Variants in CHLSN observed in about 807,000 individuals in gnomAD.
The protein encoded by CHLSN is protein cholesin.
the CHLSN span, among the ~76,000 whole-genome samples, chr7:1,024,202 T>C: frequency 3.3e-5 from 5 of 152,156 alleles, no homozygotes; most frequent in African/African-American, 1.2e-4. Context: ...GCCCCCACTT[T>C]CTTCCTAAAA....
the CHLSN span, among the ~76,000 whole-genome samples, chr7:1,123,955 G>A: frequency 1.3e-4 from 20 of 151,862 alleles, no homozygotes; most frequent in African/African-American, 2.7e-4. This position sits in a 1 kb window ranked among gnomAD's most constrained non-coding sequence, Gnocchi z 4.4. Flanking sequence ...GCTCCAGGTC[G>A]CTTCCCAACG....
At chr7:1,012,526 C>A in the CHLSN span, among the ~76,000 whole-genome samples, 1 of 152,258 alleles carries the variant, frequency 6.6e-6, no homozygotes, top group Non-Finnish European at 1.5e-5. Flanking sequence ...CCTTCACACC[C>A]ACTCTTGCTT....
At chr7:1,036,587 G>A in the CHLSN span, among the ~76,000 whole-genome samples, 4 of 152,132 alleles carry the variant, frequency 2.6e-5, no homozygotes, top group South Asian at 4.1e-4. Context: ...GGGGGAGGCC[G>A]TGCATGTGTG....
At chr7:1,023,513 C>A in the CHLSN span, among the ~76,000 whole-genome samples, 1 of 151,812 alleles carries the variant, frequency 6.6e-6, no homozygotes, top group African/African-American at 2.4e-5. The surrounding 1 kb of genome is among the most constrained non-coding windows in gnomAD (Gnocchi z 5.0). Context: ...CAGGCTCCTT[C>A]CTAGGAAGGA....
At chr7:1,066,202 C>A in the CHLSN span, among the ~76,000 whole-genome samples, 1 of 152,254 alleles carries the variant, frequency 6.6e-6, no homozygotes, top group Non-Finnish European at 1.5e-5. Flanking sequence ...GAAAGCCCAC[C>A]CTCCCCCAGA....
At chr7:984,422 G>A in the CHLSN span, 31 of 1,547,800 alleles carry the variant, frequency 2.0e-5, no homozygotes, top group East Asian at 4.9e-5. Context: ...CTCTCAGAAC[G>A]CTACGGGCCG....
chr7:1,055,268 A>G, the CHLSN span: 2 of 471,122 alleles, frequency 4.2e-6, no homozygotes, highest in Non-Finnish European at 8.8e-6. Context: ...CCTGCGGGGA[A>G]CTTACCAGAG....
At chr7:1,107,061 C>T in the CHLSN span, among the ~76,000 whole-genome samples, 10 of 152,290 alleles carry the variant, frequency 6.6e-5, no homozygotes, top group Admixed American at 2.0e-4. Context: ...CTGGAAGGAA[C>T]GCAGACTCGA....
chr7:1,014,038 T>C, the CHLSN span, among the ~76,000 whole-genome samples: 1 of 152,190 alleles, frequency 6.6e-6, no homozygotes, highest in Non-Finnish European at 1.5e-5. Context: ...TCACTGCACC[T>C]ACGCTGTGTA....
At chr7:1,123,377 G>A in the CHLSN span, among the ~76,000 whole-genome samples, 4 of 152,186 alleles carry the variant, frequency 2.6e-5, no homozygotes, top group South Asian at 4.1e-4. This position sits in a 1 kb window ranked among gnomAD's most constrained non-coding sequence, Gnocchi z 4.4. Flanking sequence ...CTCCCCAGAC[G>A]GACGTTGCTG....
At chr7:983,880 G>A in the CHLSN span, among the ~76,000 whole-genome samples, 1 of 152,240 alleles carries the variant, frequency 6.6e-6, no homozygotes, top group African/African-American at 2.4e-5. Context: ...GACACGGCAC[G>A]GGGCAGCCTG....
chr7:1,096,683 G>A, the CHLSN span, among the ~76,000 whole-genome samples: 1 of 152,208 alleles, frequency 6.6e-6, no homozygotes, highest in African/African-American at 2.4e-5. This position sits in a 1 kb window ranked among gnomAD's most constrained non-coding sequence, Gnocchi z 4.6. Flanking sequence ...GTACATAGCT[G>A]CAAGCATGGG....
chr7:1,028,268 G>A, the CHLSN span: 1 of 1,092,678 alleles, frequency 9.2e-7, no homozygotes, highest in South Asian at 2.1e-5. Flanking sequence ...CTCTGACCCG[G>A]CTGTCAGGTC....
chr7:1,055,088 C>T, the CHLSN span, among the ~76,000 whole-genome samples: 2 of 152,152 alleles, frequency 1.3e-5, no homozygotes, highest in Non-Finnish European at 2.9e-5. Context: ...CAGGGGCCTG[C>T]GGGCAGAGGC....
chr7:1,113,382 C>A, the CHLSN span, among the ~76,000 whole-genome samples: 1 of 152,334 alleles, frequency 6.6e-6, no homozygotes, highest in Non-Finnish European at 1.5e-5. Flanking sequence ...CCAGAAGGCG[C>A]CGCCCGGGCA....
the CHLSN span, among the ~76,000 whole-genome samples, chr7:1,001,267 G>C: frequency 1.3e-5 from 2 of 152,230 alleles, no homozygotes; most frequent in Non-Finnish European, 2.9e-5. Flanking sequence ...CTCAGCACGG[G>C]GGAGGGCCCT....
At chr7:996,101 G>A in the CHLSN span, among the ~76,000 whole-genome samples, 2 of 152,228 alleles carry the variant, frequency 1.3e-5, no homozygotes, top group African/African-American at 4.8e-5. Context: ...CACAGTAGAC[G>A]TCCGTGGGTC....
At chr7:1,007,279 G>A in the CHLSN span, among the ~76,000 whole-genome samples, 1 of 152,238 alleles carries the variant, frequency 6.6e-6, no homozygotes, top group East Asian at 1.9e-4. Flanking sequence ...ATGGGCCACG[G>A]CGGCCAGCAT....
the CHLSN span, among the ~76,000 whole-genome samples, chr7:1,034,461 G>C: frequency 0.021 from 3,228 of 152,134 alleles, 46 homozygotes; most frequent in Non-Finnish European, 0.029. Flanking sequence ...AACAAGGATA[G>C]CTAAAACAGC....
Sources: allele counts gnomAD v4.1 joint callset (sites outside exome capture counted in the v4.1 genomes callset), GRCh38; gene constraint gnomAD v4.1.1; non-coding constraint Gnocchi (gnomAD v3.1); transcripts MANE v1.5; gene names NCBI Gene and HGNC (gene_info 2026-07-23, HGNC 2026-07-21).